The following KAZN variants were observed in gnomAD, a reference collection of about 807,000 sequenced individuals.
KAZN encodes the protein kazrin.
Under a neutral mutation model 87.4 loss-of-function variants are expected in KAZN, and 40 were observed. The observed-to-expected ratio is 0.46, with a 90% CI of 0.36 to 0.60. KAZN has a LOEUF of 0.60. Ranked by LOEUF, KAZN falls within the 20% of genes least tolerant of loss-of-function variation. KAZN has a pLI of 0.00. For synonymous variants in KAZN, 466 were observed against 458.3 expected (o/e 1.02, Z -0.22); for missense variants, 898 against 1,073.9 (o/e 0.84, Z 2.29).
chr1:14,433,019 C>A (rs568451772), intron 2 of KAZN, among the ~76,000 whole-genome samples: 13 of 152,192 alleles, frequency 8.5e-5, no homozygotes, highest in African/African-American at 2.9e-4. Flanking sequence ...TGTGCACACA[C>A]ACACACACAA....
At chr1:14,307,359 T>G (rs1325534215) in intron 2 of KAZN, among the ~76,000 whole-genome samples, 1 of 152,236 alleles carries the variant, frequency 6.6e-6, no homozygotes, top group Non-Finnish European at 1.5e-5. Context: ...TAAAGTCGTT[T>G]CAGCCCTGAT....
rs1237720173 is a variant in KAZN, at chr1:14,184,263, C to T, written c.249+3671C>T. Among the ~76,000 whole-genome samples the T allele has an allele frequency of 6.6e-6, 1 of 151,876 alleles. No individual in the cohort carries two copies. Among genetic ancestry groups the T allele is most frequent in the Non-Finnish European group, 1.5e-5 (1 of 67,980 alleles). Reference sequence around the variant, plus strand: ...TTTTTCTCCCCACCCGACCCAGCATCTCTCCTCCTCCCCTCCTATTTTCTC... The same window carrying T: ...TTTTTCTCCCCACCCGACCCAGCATTTCTCCTCCTCCCCTCCTATTTTCTC... On this transcript the variant is annotated intron_variant, in intron 2 of 16. Coordinates refer to the KAZN transcript ENST00000636203. The surrounding 1 kb of genome is among the most constrained non-coding windows in gnomAD (Gnocchi z 4.2).
chr1:14,534,019 G>T (rs1268889333), intron 2 of KAZN, among the ~76,000 whole-genome samples: 2 of 152,092 alleles, frequency 1.3e-5, no homozygotes, highest in East Asian at 3.8e-4. Context: ...ATTTCTTTAT[G>T]AGTTTTCCTT....
At chr1:14,510,821 C>T (rs1054551259) in intron 2 of KAZN, among the ~76,000 whole-genome samples, 1 of 152,072 alleles carries the variant, frequency 6.6e-6, no homozygotes, top group Non-Finnish European at 1.5e-5. Flanking sequence ...TGGAGGCAGA[C>T]TCAACAGAGC....
At chr1:14,238,482 G>T (rs1318310826) in intron 2 of KAZN, among the ~76,000 whole-genome samples, 1 of 152,194 alleles carries the variant, frequency 6.6e-6, no homozygotes, top group Non-Finnish European at 1.5e-5. Flanking sequence ...ACTGGGTTGG[G>T]TGGGTTAAAT....
rs1373095323 is a variant in KAZN at position 15,056,344 on chromosome 1, C to T, written c.916+64C>T. The T allele has an allele frequency of 6.7e-7, 1 of 1,483,076 alleles. No homozygotes were observed. Among genetic ancestry groups the T allele is most frequent in the Admixed American group, 2.0e-5 (1 of 49,050 alleles). The allele number at this position is 1,483,076 out of a possible 1,614,324, so 91.9% of individuals were successfully genotyped here. ...GGGGCTTCACAGGAGGCCATCTGAC[C>T]CAGTGGGAGAGGCAGCTGCTTTGTT... On this transcript the variant is annotated intron_variant, in intron 5 of 14. Coordinates refer to ENST00000376030, the MANE Select transcript of KAZN (RefSeq NM_201628.3). This position sits in a 1 kb window ranked among gnomAD's most constrained non-coding sequence, Gnocchi z 5.4.
chr1:14,920,366 A>G (rs1472089797), intron 1 of KAZN, among the ~76,000 whole-genome samples: 1 of 143,382 alleles, frequency 7.0e-6, no homozygotes, highest in Non-Finnish European at 1.5e-5. Context: ...CCAGAACCAG[A>G]GCAGCCTCCC....
chr1:14,413,246 G>A (rs948474992), intron 2 of KAZN, among the ~76,000 whole-genome samples: 13 of 151,716 alleles, frequency 8.6e-5, no homozygotes, highest in South Asian at 8.3e-4. Flanking sequence ...TTTTCCATAC[G>A]GAAAATAATT....
chr1:14,136,921 G>A (rs917649465), intron 1 of KAZN, among the ~76,000 whole-genome samples: 13 of 152,142 alleles, frequency 8.5e-5, no homozygotes, highest in African/African-American at 2.7e-4. Flanking sequence ...GGGGCTTGGG[G>A]TTGAAGCCAG....
chr1:14,436,743 A>G (rs964763178), intron 2 of KAZN, among the ~76,000 whole-genome samples: 3 of 149,492 alleles, frequency 2.0e-5, no homozygotes, highest in African/African-American at 7.3e-5. Context: ...AAAAAACCTT[A>G]AAACAATCCT....
At chr1:13,953,416 G>A (rs886992870) in intron 1 of KAZN, among the ~76,000 whole-genome samples, 9 of 152,178 alleles carry the variant, frequency 5.9e-5, no homozygotes, top group African/African-American at 1.9e-4. Context: ...AACTGAGTGA[G>A]TTCCATGTCC....
intron 1 of KAZN, among the ~76,000 whole-genome samples, chr1:14,780,331 C>A (rs573308755): frequency 1.3e-5 from 2 of 152,142 alleles, no homozygotes; most frequent in South Asian, 2.1e-4. Flanking sequence ...TCATTCCTAG[C>A]GCATCTCTCT....
At chr1:14,756,458 G>A (rs998981494) in intron 1 of KAZN, among the ~76,000 whole-genome samples, 3 of 152,212 alleles carry the variant, frequency 2.0e-5, no homozygotes, top group Admixed American at 1.3e-4. Context: ...ACATCTCTGC[G>A]GATGAGCAGG....
intron 1 of KAZN, among the ~76,000 whole-genome samples, chr1:13,999,461 G>A (rs1639685234): frequency 6.6e-6 from 1 of 152,162 alleles, no homozygotes. Context: ...TGACTCCTGG[G>A]TAAATAATGA....
At chr1:14,394,576 T>C (rs577477093) in intron 2 of KAZN, among the ~76,000 whole-genome samples, 1 of 152,330 alleles carries the variant, frequency 6.6e-6, no homozygotes, top group Admixed American at 6.5e-5. Context: ...TGGGAAAATA[T>C]AGATAGGATC....
intron 1 of KAZN, among the ~76,000 whole-genome samples, chr1:13,992,533 T>C (rs1570471646): frequency 6.6e-6 from 1 of 152,158 alleles, no homozygotes; most frequent in African/African-American, 2.4e-5. Flanking sequence ...TACTGGAAGG[T>C]TAAAGCTGAC....
At chr1:14,824,210 G>C (rs922457134) in intron 1 of KAZN, among the ~76,000 whole-genome samples, 4 of 152,018 alleles carry the variant, frequency 2.6e-5, no homozygotes, top group Admixed American at 6.6e-5. Context: ...TGGGAGGCCT[G>C]GTTAGATCCT....
chr1:15,045,343 G>C (rs1287832746), intron 4 of KAZN, among the ~76,000 whole-genome samples: 1 of 152,174 alleles, frequency 6.6e-6, no homozygotes, highest in Non-Finnish European at 1.5e-5. Context: ...CTTCCCAGCT[G>C]TGTGACTTTG....
chr1:14,466,336 C>CA (rs70997148), intron 2 of KAZN, among the ~76,000 whole-genome samples: 119 of 151,160 alleles, frequency 7.9e-4, no homozygotes, highest in African/African-American at 2.4e-3. Context: ...ATAAGGAAAA[C>CA]AAAAAAGGAG....
Sources: allele counts gnomAD v4.1 joint callset (sites outside exome capture counted in the v4.1 genomes callset), GRCh38; gene constraint gnomAD v4.1.1; non-coding constraint Gnocchi (gnomAD v3.1); transcripts MANE v1.5; gene names NCBI Gene and HGNC (gene_info 2026-07-23, HGNC 2026-07-21).